RAPGEF2: variants seen among roughly 807,000 people sequenced by gnomAD.
The protein encoded by RAPGEF2 is Rap guanine nucleotide exchange factor 2.
In RAPGEF2, 54 loss-of-function variants were observed where a neutral mutation model predicts 186.7. That is an observed-to-expected ratio of 0.29 (90% CI 0.23 to 0.36). The LOEUF is 0.36. RAPGEF2 is among the 10% of genes least tolerant of loss of function. The pLI, the probability that RAPGEF2 is intolerant of heterozygous loss-of-function variation, is 1.00. For synonymous variants in RAPGEF2, 712 were observed against 705.9 expected (o/e 1.01, Z -0.14); for missense variants, 1,532 against 2,045.0 (o/e 0.75, Z 4.84).
At chr4:159,160,984 G>GT (rs35097802) in intron 1 of RAPGEF2, among the ~76,000 whole-genome samples, 1 of 151,580 alleles carries the variant, frequency 6.6e-6, no homozygotes, top group Non-Finnish European at 1.5e-5. Context: ...AGAAATTAAA[G>GT]TTTTTTTTAA....
At chr4:159,198,676 C>T (rs1331152853) in intron 3 of RAPGEF2, among the ~76,000 whole-genome samples, 1 of 151,400 alleles carries the variant, frequency 6.6e-6, no homozygotes, top group Non-Finnish European at 1.5e-5. Flanking sequence ...AAACTCCTGA[C>T]CTCAAGTGAT....
intron 17 of RAPGEF2, among the ~76,000 whole-genome samples, chr4:159,335,932 T>A (rs1360722628): frequency 6.6e-6 from 1 of 151,984 alleles, no homozygotes; most frequent in Non-Finnish European, 1.5e-5. Flanking sequence ...CTATGCTTTG[T>A]CCTGAGCCCA....
At chr4:159,234,142 A>G (rs1752966663) in intron 4 of RAPGEF2, among the ~76,000 whole-genome samples, 1 of 152,072 alleles carries the variant, frequency 6.6e-6, no homozygotes, top group African/African-American at 2.4e-5. Flanking sequence ...TGTATTTGAT[A>G]GTGTTGAGTC....
chr4:159,259,560 G>A (rs932564232), intron 7 of RAPGEF2, among the ~76,000 whole-genome samples: 4 of 152,084 alleles, frequency 2.6e-5, no homozygotes, highest in African/African-American at 9.7e-5. Context: ...CATAACAAAG[G>A]GATGACCGTG....
chr4:159,272,038 A>T (rs1044610113), intron 7 of RAPGEF2, among the ~76,000 whole-genome samples: 22 of 152,050 alleles, frequency 1.4e-4, no homozygotes, highest in African/African-American at 5.3e-4. Flanking sequence ...TCCTCTGCCT[A>T]TTCCCTTTGT....
At chr4:159,178,039 G>A (rs1223589601) in intron 1 of RAPGEF2, among the ~76,000 whole-genome samples, 1 of 152,044 alleles carries the variant, frequency 6.6e-6, no homozygotes, top group African/African-American at 2.4e-5. Flanking sequence ...ACCTCCATAG[G>A]CCTGCTAATT....
Position 159,343,732 on chromosome 4 carries a change from C to T in RAPGEF2, c.3255-304C>T, listed in dbSNP as rs1466095390. On this transcript the variant is annotated intron_variant, in intron 22 of 29. Transcript: ENST00000691494. ...AGTATGCACTAAAATATGTAAATACCCCAAATAGTCTTGTCTCAATATCCA... is the reference window on the plus strand; with the variant it reads ...AGTATGCACTAAAATATGTAAATACTCCAAATAGTCTTGTCTCAATATCCA... 3.3e-5 allele frequency among the ~76,000 whole-genome samples: 5 copies of T among 152,090 alleles called. 1 individual carries two copies. In the East Asian group the frequency reaches 5.8e-4, roughly 18 times the overall value.
In RAPGEF2 at chr4:159,198,394, T is replaced by TCCTTCCTC. The variant is rs1749038661; in HGVS notation, c.197+5141_197+5142insTCCTCCCT. Among the ~76,000 whole-genome samples, 4 of 127,320 alleles carry TCCTTCCTC rather than the reference T, an allele frequency of 3.1e-5. 1 individual carries two copies. The highest frequency in any genetic ancestry group is 1.1e-4 in the African/African-American group (3 of 28,052). The allele number at this position is 127,320 out of a possible 152,430, so 83.5% of individuals were successfully genotyped here. ...TTCTTTCTTTCCTTCCTTCCTTCCTTCCTCTCTCTTCCTCTCTTCCTCTCT... is the reference window on the plus strand; with the variant it reads ...TTCTTTCTTTCCTTCCTTCCTTCCTTCCTTCCTCCCTCTCTCTTCCTCTCTTCCTCTCT... On this transcript the variant is annotated intron_variant, in intron 3 of 29. Coordinates refer to ENST00000691494, the MANE Select transcript of RAPGEF2 (RefSeq NM_001394067.2).
intron 7 of RAPGEF2, chr4:159,267,450 CATTAA>C (rs1305410403): frequency 2.7e-6 from 2 of 750,114 alleles, no homozygotes; most frequent in Non-Finnish European, 3.9e-6. Flanking sequence ...GGACAGACAT[CATTAA>C]ATTAAATGTC....
rs188180034 is a variant in RAPGEF2, at chr4:159,172,190, T to G, written c.70-14452T>G. Among the ~76,000 whole-genome samples the G allele has an allele frequency of 3.3e-3, 498 of 152,310 alleles. 4 individuals are homozygous for G. Among genetic ancestry groups the G allele is most frequent in the African/African-American group, 0.012 (481 of 41,564 alleles). The stretch of plus-strand genomic sequence containing the variant: ...TACATTTGGAACCTTTTCACTAGCC[T>G]TCTTTGAAATCTTTTACCAAGAAAA... On this transcript the variant is annotated intron_variant, in intron 1 of 29. Transcript: ENST00000691494.
intron 23 of RAPGEF2, 34 bp from the exon 24 acceptor site, chr4:159,345,065 CATGCTAG>C (rs1391439178): frequency 6.6e-6 from 10 of 1,515,700 alleles, no homozygotes; most frequent in Non-Finnish European, 9.2e-6. Flanking sequence ...AAAGTACTCC[CATGCTAG>C]AGTGAGCTGC....
At chr4:159,197,379 C>G (rs1214459976) in intron 3 of RAPGEF2, among the ~76,000 whole-genome samples, 1 of 152,124 alleles carries the variant, frequency 6.6e-6, no homozygotes, top group Admixed American at 6.5e-5. Context: ...TTAACGTGCT[C>G]AAAACCTTTG....
chr4:159,241,573 T>C (rs1754011161), intron 6 of RAPGEF2, among the ~76,000 whole-genome samples: 1 of 149,356 alleles, frequency 6.7e-6, no homozygotes, highest in Non-Finnish European at 1.5e-5. Flanking sequence ...TATTTAAACA[T>C]TTATTATAGA....
chr4:159,258,120 C>A (rs1435095322), intron 7 of RAPGEF2, among the ~76,000 whole-genome samples: 1 of 152,058 alleles, frequency 6.6e-6, no homozygotes, highest in Non-Finnish European at 1.5e-5. Context: ...ATTAAATATT[C>A]TAGTATTATC....
rs996049106 is a variant in RAPGEF2, at chr4:159,336,760, A to G, written c.2136-1551A>G. Among the ~76,000 whole-genome samples the G allele has an allele frequency of 3.3e-5, 5 of 152,160 alleles. No individual in the cohort carries two copies. In the East Asian group the frequency reaches 7.7e-4, roughly 23 times the overall value. On this transcript the variant is annotated intron_variant, in intron 17 of 29. Coordinates refer to ENST00000691494, the MANE Select transcript of RAPGEF2 (RefSeq NM_001394067.2). ...TCAAAAAAAAAAGTAAAGGGAAGAA[A>G]TGTTGCTATTTTTTAGCATAGTCAT...
intron 3 of RAPGEF2, among the ~76,000 whole-genome samples, chr4:159,197,767 C>T (rs574140735): frequency 4.5e-4 from 69 of 152,344 alleles, no homozygotes; most frequent in African/African-American, 1.6e-3. Context: ...GGCTGCTCAA[C>T]CATCGCTGTC....
chr4:159,350,525 A>T (rs1407282084), intron 26 of RAPGEF2, among the ~76,000 whole-genome samples: 1 of 152,180 alleles, frequency 6.6e-6, no homozygotes, highest in African/African-American at 2.4e-5. Flanking sequence ...GAAGCCTTTT[A>T]AAAATACATT....
intron 7 of RAPGEF2, chr4:159,267,127 C>G (rs1402633446): frequency 1.0e-5 from 13 of 1,251,370 alleles, no homozygotes; most frequent in Non-Finnish European, 1.3e-5. Context: ...ATCACTAGAA[C>G]TGCATTGAGT....
At chr4:159,218,693 G>C (rs1416636635) in intron 4 of RAPGEF2, among the ~76,000 whole-genome samples, 1 of 152,078 alleles carries the variant, frequency 6.6e-6, no homozygotes, top group Non-Finnish European at 1.5e-5. Context: ...AGGTGGCAGA[G>C]GTTGCAGTGA....
Sources: gnomAD v4.1 joint callset for allele counts (sites outside exome capture counted in the v4.1 genomes callset) on GRCh38, gnomAD v4.1.1 for gene constraint, MANE v1.5 for transcripts, NCBI Gene and HGNC (gene_info 2026-07-23, HGNC 2026-07-21) for gene names.